Variants in DUSP5 observed in about 807,000 individuals in gnomAD.
The protein encoded by DUSP5 is dual specificity protein phosphatase 5.
DUSP5 carries 22 observed loss-of-function variants against 33.6 expected under a neutral mutation model. That is an observed-to-expected ratio of 0.66 (90% CI 0.47 to 0.94). The LOEUF (loss-of-function observed/expected upper bound fraction) is 0.94. Among genes scored for constraint, DUSP5 ranks in the 40% least tolerant of loss-of-function variants. The probability of loss-of-function intolerance (pLI) is 0.00; values close to 1 mark genes in which losing one functional copy is unlikely to be tolerated. For missense variants in DUSP5, 551 were observed against 522.1 expected, an observed-to-expected ratio of 1.06 and a Z score of -0.54; for synonymous variants, 270 against 231.1, an observed-to-expected ratio of 1.17 and a Z score of -1.53.
At chr10:110,508,573 C>T (rs1046957570) in intron 3 of DUSP5, among the ~76,000 whole-genome samples, 3 of 152,286 alleles carry the variant, frequency 2.0e-5, no homozygotes, top group Non-Finnish European at 4.4e-5. Context: ...TGACCCCTTC[C>T]AAGGGAAGAG....
chr10:110,509,016 G>A (rs555493604), intron 3 of DUSP5, among the ~76,000 whole-genome samples: 4 of 152,290 alleles, frequency 2.6e-5, no homozygotes, highest in South Asian at 2.1e-4. Flanking sequence ...CTTCAAAATC[G>A]TAAATGTTTT....
At chr10:110,502,951 C>G (rs1860074137) in intron 2 of DUSP5, 82 bp downstream of exon 2, 3 of 1,550,232 alleles carry the variant, frequency 1.9e-6, no homozygotes, top group Non-Finnish European at 2.6e-6. Flanking sequence ...CCTGACTGTT[C>G]TCTCCCCACT....
rs1735956596 is a variant in DUSP5, at chr10:110,498,567, G to A, written c.379+67G>A. 7 of 1,366,672 alleles carry A rather than the reference G, an allele frequency of 5.1e-6. No homozygotes were observed. The East Asian group carries it at 1.5e-4, about 30-fold the overall frequency. 84.7% of individuals were successfully genotyped at this position (1,366,672 alleles called of 1,614,324 possible). ...CCCCGGGTCCCCTCCCTGCGCCGGG[G>A]CGCCCTCCTACACCCTGGGACCGGG... On this transcript the variant is annotated intron_variant, in intron 1 of 3. Coordinates refer to ENST00000369583, the MANE Select transcript of DUSP5 (RefSeq NM_004419.4).
chr10:110,507,228 G>C, intron 3 of DUSP5, 74 bp downstream of exon 3: 1 of 1,442,330 alleles, frequency 6.9e-7, no homozygotes, highest in Non-Finnish European at 9.5e-7. Context: ...TTGATGCCCT[G>C]ATGGAAGCTA....
In DUSP5 at chr10:110,502,821, G is replaced by A. The variant is rs749751914; in HGVS notation, c.480G>A (p.Gln160=). The A allele has an allele frequency of 1.2e-6, 2 of 1,614,198 alleles. No homozygotes were observed. The highest frequency in any genetic ancestry group is 1.7e-6 in the Non-Finnish European group (2 of 1,180,042). The part of the protein sequence containing the change: ...KIESERALIS[Q]CGKPVVNVSY... ...AGAGTGAGAGAGCCCTCATCAGCCA[G>A]TGTGGAAAACCAGTGGTAAATGTCA... Residue 160 remains glutamine, a synonymous_variant, in exon 2 of 4, where the codon CAG becomes CAA. Transcript: ENST00000369583.
chr10:110,498,511 G>C lies in DUSP5; in HGVS notation c.379+11G>C. On this transcript the variant is annotated intron_variant, in intron 1 of 3. Coordinates refer to ENST00000369583, the MANE Select transcript of DUSP5 (RefSeq NM_004419.4). ...TCTACTTCCTCAAAGGTGAGCGCTC[G>C]GGGTCCCTGCCACGCTCGCCCCTCC... 2 of 1,492,540 alleles carry C rather than the reference G, an allele frequency of 1.3e-6. No homozygotes were observed. The highest frequency in any genetic ancestry group is 1.8e-6 in the Non-Finnish European group (2 of 1,128,346). The allele number at this position is 1,492,540 out of a possible 1,614,324, so 92.5% of individuals were successfully genotyped here.
At position 110,510,354 on chromosome 10, in the gene DUSP5, G is replaced by A; in HGVS notation, c.1083G>A (p.Leu361=). ...ACTGCACATTCCCTGCCTCGGTGCT[G>A]GCACCGGTGCCTACCCACTCAACAG... ...GAYCTFPASV[L]APVPTHSTVS... The change falls in exon 4 of 4, where the codon CTG becomes CTA. Residue 361 remains leucine (L), a synonymous_variant. Coordinates refer to ENST00000369583, the MANE Select transcript of DUSP5 (RefSeq NM_004419.4). 6.2e-7 allele frequency: 1 copy of A among 1,613,202 alleles called. No individual in the cohort carries two copies. Among genetic ancestry groups the A allele is most frequent in the African/African-American group, 1.3e-5 (1 of 75,040 alleles).
intron 3 of DUSP5, 111 bp downstream of exon 3, chr10:110,507,265 A>G: frequency 8.9e-7 from 1 of 1,127,516 alleles, no homozygotes; most frequent in Non-Finnish European, 1.2e-6. Context: ...AGTGTCTTGT[A>G]TATGCCGCTG....
At chr10:110,507,231 G>A in intron 3 of DUSP5, 77 bp downstream of exon 3, 1 of 1,422,418 alleles carries the variant, frequency 7.0e-7, no homozygotes. Flanking sequence ...ATGCCCTGAT[G>A]GAAGCTACCT....
In DUSP5 at chr10:110,510,416, C is replaced by T. The variant is rs1054055520; in HGVS notation, c.1145C>T (p.Thr382Ile). 17 of 1,587,290 alleles carry T rather than the reference C, an allele frequency of 1.1e-5. No individual in the cohort carries two copies. The highest frequency in any genetic ancestry group is 2.7e-5 in the African/African-American group (2 of 74,244). ...ELSRSPVATATSC is the reference protein window; with the variant it reads ...ELSRSPVATAISC The stretch of plus-strand genomic sequence containing the variant: ...AGCAGAAGCCCTGTGGCAACGGCCA[C>T]ATCCTGCTAAAACTGGGATGGAGGA... Residue 382 changes from threonine (T) to isoleucine (I), a missense_variant, in exon 4 of 4, where the codon ACA becomes ATA. Thr to Ile is a moderately conservative substitution (Grantham distance 89, BLOSUM62 -1). Around this residue, in one of 3 missense-constraint regions of DUSP5, gnomAD observed 158 missense variants for 181.8 expected, o/e 0.87. Transcript: ENST00000369583.
At chr10:110,499,477 G>T (rs1005412415) in intron 1 of DUSP5, among the ~76,000 whole-genome samples, 1 of 152,212 alleles carries the variant, frequency 6.6e-6, no homozygotes, top group Non-Finnish European at 1.5e-5. Flanking sequence ...CCCCAAGGCC[G>T]TGCCAGCCCT....
Position 110,511,252 on chromosome 10 carries a change from T to C in DUSP5, c.*826T>C, listed in dbSNP as rs1377332016. ...GCTAGGTATCCTGGGTCAGTGGCGGTGCAAACTGGTTTCCTCAGCTGCCTG... is the reference window on the plus strand; with the variant it reads ...GCTAGGTATCCTGGGTCAGTGGCGGCGCAAACTGGTTTCCTCAGCTGCCTG... On this transcript the variant is annotated 3_prime_UTR_variant, in exon 4 of 4. Transcript: ENST00000369583. 1 of 152,560 alleles carries C rather than the reference T, an allele frequency of 6.6e-6. No individual in the cohort carries two copies. Among genetic ancestry groups the C allele is most frequent in the African/African-American group, 2.4e-5 (1 of 41,442 alleles). The allele number at this position is 152,560 out of a possible 1,614,324, so 9.5% of individuals were successfully genotyped here. A position where few individuals can be genotyped will look rare whatever the true frequency, so the allele number is the denominator to read the frequency against.
rs143929512 is a variant in DUSP5, at chr10:110,500,259, C to T, written c.379+1759C>T. 9.2e-5 allele frequency among the ~76,000 whole-genome samples: 14 copies of T among 152,296 alleles called. No individual in the cohort carries two copies. The East Asian group carries it at 2.5e-3, about 27-fold the overall frequency. On this transcript the variant is annotated intron_variant, in intron 1 of 3. Coordinates refer to ENST00000369583, the MANE Select transcript of DUSP5 (RefSeq NM_004419.4). ...TCATACATGTCTGTTTCACATTGAACCGGTCTCCTGTAATGACCATTAGGT... is the reference window on the plus strand; with the variant it reads ...TCATACATGTCTGTTTCACATTGAATCGGTCTCCTGTAATGACCATTAGGT...
At chr10:110,501,315 A>C (rs1860044901) in intron 1 of DUSP5, among the ~76,000 whole-genome samples, 2 of 152,136 alleles carry the variant, frequency 1.3e-5, no homozygotes, top group African/African-American at 4.8e-5. Flanking sequence ...CGTGGGGAGC[A>C]TGGTCATTGA....
intron 1 of DUSP5, among the ~76,000 whole-genome samples, chr10:110,501,606 T>G (rs1860049789): frequency 6.6e-6 from 1 of 152,206 alleles, no homozygotes; most frequent in Admixed American, 6.5e-5. Context: ...AAATTCATGG[T>G]CTCAGAATGC....
intron 2 of DUSP5, among the ~76,000 whole-genome samples, chr10:110,506,047 G>A (rs966904825): frequency 2.6e-5 from 4 of 152,112 alleles, no homozygotes; most frequent in Admixed American, 2.6e-4. Context: ...TTTCTAAAAA[G>A]CATACTTTTT....
chr10:110,498,574 C>T, intron 1 of DUSP5, 74 bp downstream of exon 1: 1 of 1,351,582 alleles, frequency 7.4e-7, no homozygotes, highest in Non-Finnish European at 9.5e-7. Context: ...GGGGCGCCCT[C>T]CTACACCCTG....
chr10:110,498,035 C>G lies in DUSP5; in HGVS notation c.-87C>G. 2 of 1,025,118 alleles carry G rather than the reference C, an allele frequency of 2.0e-6. No individual in the cohort carries two copies. The highest frequency in any genetic ancestry group is 2.3e-6 in the Non-Finnish European group (2 of 854,558). The allele number at this position is 1,025,118 out of a possible 1,614,324, so 63.5% of individuals were successfully genotyped here. On this transcript the variant is annotated 5_prime_UTR_variant, in exon 1 of 4. Coordinates refer to ENST00000369583, the MANE Select transcript of DUSP5 (RefSeq NM_004419.4). ...CCGCGGGTCGCCCTCCCGTGCCTCGCCCGCGGACACCCTGGCCGTGGACAC... is the reference window on the plus strand; with the variant it reads ...CCGCGGGTCGCCCTCCCGTGCCTCGGCCGCGGACACCCTGGCCGTGGACAC...
In DUSP5 at chr10:110,498,101, C is replaced by G. The variant is rs772690696; in HGVS notation, c.-21C>G. Reference sequence around the variant, plus strand: ...CCGCGGGGCGCGCGGCGCGGGGCCGCTGGCCGGCGGCGGCGGCGGCATGAA... The same window carrying G: ...CCGCGGGGCGCGCGGCGCGGGGCCGGTGGCCGGCGGCGGCGGCGGCATGAA... On this transcript the variant is annotated 5_prime_UTR_variant, in exon 1 of 4. Coordinates refer to ENST00000369583, the MANE Select transcript of DUSP5 (RefSeq NM_004419.4). 1 of 1,272,702 alleles carries G rather than the reference C, an allele frequency of 7.9e-7. No individual in the cohort carries two copies. The highest frequency in any genetic ancestry group is 2.0e-5 in the South Asian group (1 of 48,868). The allele number at this position is 1,272,702 out of a possible 1,614,324, so 78.8% of individuals were successfully genotyped here.
Sources: gnomAD v4.1 joint callset for allele counts (sites outside exome capture counted in the v4.1 genomes callset) on GRCh38, gnomAD v4.1.1 for gene constraint, gnomAD v4.1.1 regional missense constraint, MANE v1.5 for transcripts, NCBI Gene and HGNC (gene_info 2026-07-23, HGNC 2026-07-21) for gene names.